The following TRAPPC9 variants were observed in gnomAD, a reference collection of about 807,000 sequenced individuals.
TRAPPC9 encodes the protein IKK2 binding protein.
Under a neutral mutation model 124.0 loss-of-function variants are expected in TRAPPC9, and 83 were observed. The ratio of observed to expected loss-of-function variants is 0.67; its 90% CI spans 0.56 to 0.80. TRAPPC9 has a LOEUF of 0.80. TRAPPC9 is among the 30% of genes least tolerant of loss of function. The pLI, the probability that TRAPPC9 is intolerant of heterozygous loss-of-function variation, is 0.00. For synonymous variants in TRAPPC9, 638 were observed against 617.5 expected (o/e 1.03, Z -0.49); for missense variants, 1,302 against 1,508.3 (o/e 0.86, Z 2.27).
chr8:140,152,794 T>C (rs910169963), intron 17 of TRAPPC9, among the ~76,000 whole-genome samples: 9 of 152,200 alleles, frequency 5.9e-5, no homozygotes, highest in Non-Finnish European at 1.0e-4. Flanking sequence ...CTTGCAATTC[T>C]TTTTGTTAGG....
intron 19 of TRAPPC9, among the ~76,000 whole-genome samples, chr8:139,914,644 C>A (rs1831990871): frequency 6.6e-6 from 1 of 152,234 alleles, no homozygotes. Flanking sequence ...GTTCTTAGCA[C>A]CCACACAGGG....
At chr8:139,744,336 C>G (rs902447725) in intron 21 of TRAPPC9, among the ~76,000 whole-genome samples, 1 of 152,160 alleles carries the variant, frequency 6.6e-6, no homozygotes, top group African/African-American at 2.4e-5. Context: ...AGTCCCCACC[C>G]CTCCCCACCC....
intron 17 of TRAPPC9, among the ~76,000 whole-genome samples, chr8:140,030,240 G>A (rs1050918467): frequency 6.6e-6 from 1 of 152,184 alleles, no homozygotes; most frequent in Admixed American, 6.5e-5. Flanking sequence ...AGATGTAGCT[G>A]TAATAATTTT....
chr8:140,020,922 AT>A (rs1839799506), intron 18 of TRAPPC9, among the ~76,000 whole-genome samples: 3 of 152,300 alleles, frequency 2.0e-5, no homozygotes, highest in African/African-American at 7.2e-5. Context: ...TAACCGTTTG[AT>A]ATTAAGATAC....
chr8:139,916,309 T>C (rs200774461), intron 19 of TRAPPC9: 18 of 152,240 alleles, frequency 1.2e-4, no homozygotes, highest in African/African-American at 4.3e-4. Flanking sequence ...AGATAGATGG[T>C]GGATACAAAC....
intron 19 of TRAPPC9, chr8:139,932,256 C>T (rs766559906): frequency 1.6e-5 from 7 of 451,296 alleles, no homozygotes; most frequent in African/African-American, 1.0e-4. Context: ...GGGAGTCCCG[C>T]ACCACGGGGC....
At chr8:139,763,640 GTGCACACAGGCACA>G (rs1366624821) in intron 21 of TRAPPC9, among the ~76,000 whole-genome samples, 1 of 152,048 alleles carries the variant, frequency 6.6e-6, no homozygotes, top group Non-Finnish European at 1.5e-5. Context: ...GTGCACACAT[GTGCACACAGGCACA>G]TGCACACACA....
At chr8:139,750,668 G>A (rs973963712) in intron 21 of TRAPPC9, among the ~76,000 whole-genome samples, 4 of 152,190 alleles carry the variant, frequency 2.6e-5, no homozygotes, top group Admixed American at 2.6e-4. Context: ...CAAAGACCAT[G>A]CGGCTTCTCT....
chr8:140,350,665 T>C (rs1275981264), intron 9 of TRAPPC9, among the ~76,000 whole-genome samples: 2 of 151,996 alleles, frequency 1.3e-5, no homozygotes, highest in Non-Finnish European at 2.9e-5. Flanking sequence ...AGGTGAGCCC[T>C]CATGCAGAAG....
intron 21 of TRAPPC9, among the ~76,000 whole-genome samples, chr8:139,810,406 C>T (rs555502148): frequency 6.6e-6 from 1 of 152,288 alleles, no homozygotes; most frequent in East Asian, 1.9e-4. Flanking sequence ...CCAGCCGGAG[C>T]TGACAAAGTT....
chr8:140,224,919 G>A (rs2063412424), intron 16 of TRAPPC9, among the ~76,000 whole-genome samples: 1 of 152,192 alleles, frequency 6.6e-6, no homozygotes, highest in Non-Finnish European at 1.5e-5. Context: ...GAGATCAGAG[G>A]GGTCGGGGCT....
intron 21 of TRAPPC9, among the ~76,000 whole-genome samples, chr8:139,876,090 T>G (rs939263797): frequency 6.6e-6 from 1 of 152,240 alleles, no homozygotes; most frequent in African/African-American, 2.4e-5. Context: ...CCATTCTACA[T>G]GAATTTCATG....
chr8:139,880,902 G>A lies in TRAPPC9; in HGVS notation c.3055+4977C>T, dbSNP rs374826693. On this transcript the variant is annotated intron_variant, in intron 21 of 22. Transcript: ENST00000438773. ...TGCCGCCAGCGACTAAAAGCGCACC[G>A]CTGAGCTGCTCACTGCCGGGGCTCC... Among the ~76,000 whole-genome samples, 10 of 152,336 alleles carry A rather than the reference G, an allele frequency of 6.6e-5. No individual in the cohort carries two copies. In the East Asian group the frequency reaches 7.7e-4, roughly 12 times the overall value.
chr8:140,011,528 G>A (rs1371540691), intron 18 of TRAPPC9, among the ~76,000 whole-genome samples: 2 of 123,260 alleles, frequency 1.6e-5, no homozygotes, highest in East Asian at 2.2e-4. Context: ...TTTTTGAGAC[G>A]GAGTCTCACT....
intron 18 of TRAPPC9, among the ~76,000 whole-genome samples, chr8:139,997,063 T>G (rs1002714783): frequency 6.6e-6 from 1 of 152,160 alleles, no homozygotes; most frequent in Non-Finnish European, 1.5e-5. Context: ...CTATTTTTTT[T>G]AATCCCTGCC....
rs561486897 is a variant in TRAPPC9 at position 140,285,717 on chromosome 8, C to G, written c.1982-1696G>C. On this transcript the variant is annotated intron_variant, in intron 13 of 22. Transcript: ENST00000438773. ...CTTTCTGCCCCCTGTGGACTCCCCCCACAGCCCACCCCCATTCATTTGAAT... is the reference window on the plus strand; with the variant it reads ...CTTTCTGCCCCCTGTGGACTCCCCCGACAGCCCACCCCCATTCATTTGAAT... Among the ~76,000 whole-genome samples, 44 of 152,194 alleles carry G rather than the reference C, an allele frequency of 2.9e-4. No homozygotes were observed. In the South Asian group the frequency reaches 8.5e-3, roughly 29 times the overall value.
At chr8:139,921,105 G>A (rs1832476893) in intron 19 of TRAPPC9, among the ~76,000 whole-genome samples, 1 of 152,246 alleles carries the variant, frequency 6.6e-6, no homozygotes. Context: ...TTGCAGCACA[G>A]CTAGAGGACA....
intron 11 of TRAPPC9, among the ~76,000 whole-genome samples, chr8:140,294,974 C>T (rs1020613966): frequency 1.3e-5 from 2 of 152,164 alleles, no homozygotes; most frequent in Non-Finnish European, 2.9e-5. Flanking sequence ...TGTCAAAGCA[C>T]ACGGTGGTGG....
Position 139,907,229 on chromosome 8 carries a change from AGG to A in TRAPPC9, c.2964+2916_2964+2917del, listed in dbSNP as rs1168820543. 6.6e-6 allele frequency among the ~76,000 whole-genome samples: 1 copy of A among 152,148 alleles called. No individual in the cohort carries two copies. Among genetic ancestry groups the A allele is most frequent in the African/African-American group, 2.4e-5 (1 of 41,446 alleles). ...GTGTCACCGTAGCTGCTTCATAGAC[AGG>A]TGTGCATCGACCCAGTGCAAGATCC... On this transcript the variant is annotated intron_variant, in intron 20 of 22. Coordinates refer to ENST00000438773, the MANE Select transcript of TRAPPC9 (RefSeq NM_001160372.4). The surrounding 1 kb of genome is among the most constrained non-coding windows in gnomAD (Gnocchi z 4.7).
Sources: gnomAD v4.1 joint callset for allele counts (sites outside exome capture counted in the v4.1 genomes callset) on GRCh38, gnomAD v4.1.1 for gene constraint, Gnocchi (gnomAD v3.1) non-coding constraint, MANE v1.5 for transcripts, NCBI Gene and HGNC (gene_info 2026-07-23, HGNC 2026-07-21) for gene names.